CSMD1: variants seen among roughly 807,000 people sequenced by gnomAD.
CSMD1 encodes CUB and sushi domain-containing protein 1.
In CSMD1, 213 loss-of-function variants were observed where a neutral mutation model predicts 417.5. The ratio of observed to expected loss-of-function variants is 0.51; its 90% confidence interval spans 0.46 to 0.57. The LOEUF is 0.57. Ranked by LOEUF, CSMD1 falls within the 20% of genes least tolerant of loss-of-function variation. The pLI is 0.00. For missense variants in CSMD1, 6,923 were observed against 4,529.7 expected (o/e 1.53, Z -15.17); for synonymous variants, 2,862 against 1,736.8 (o/e 1.65, Z -16.11).
intron 3 of CSMD1, among the ~76,000 whole-genome samples, chr8:4,192,196 T>A (rs73658450): frequency 0.028 from 4,257 of 152,194 alleles, 215 homozygotes; most frequent in African/African-American, 0.097. Flanking sequence ...GCTTTAAAAA[T>A]CAAAGTTAAA....
chr8:3,104,191 G>C (rs1261772128), intron 46 of CSMD1, among the ~76,000 whole-genome samples: 1 of 152,090 alleles, frequency 6.6e-6, no homozygotes, highest in Non-Finnish European at 1.5e-5. Context: ...AAAATGTGAA[G>C]GTTTGCCTGG....
At chr8:4,329,505 C>A (rs1054351197) in intron 3 of CSMD1, among the ~76,000 whole-genome samples, 5 of 152,158 alleles carry the variant, frequency 3.3e-5, no homozygotes, top group Admixed American at 3.3e-4. Context: ...CCAGGCCAGT[C>A]TCAAACTCCT....
chr8:4,402,911 CT>C (rs1804745982), intron 3 of CSMD1, among the ~76,000 whole-genome samples: 1 of 147,592 alleles, frequency 6.8e-6, no homozygotes, highest in African/African-American at 2.5e-5. Flanking sequence ...GCTCCGCCTC[CT>C]GGGTTCATGC....
intron 1 of CSMD1, among the ~76,000 whole-genome samples, chr8:4,691,196 C>G (rs1806747573): frequency 6.6e-6 from 1 of 152,168 alleles, no homozygotes; most frequent in Non-Finnish European, 1.5e-5. Flanking sequence ...AACTGCAAAT[C>G]AGCAGCAAAC....
At chr8:4,254,540 G>A (rs1031796746) in intron 3 of CSMD1, among the ~76,000 whole-genome samples, 2 of 152,070 alleles carry the variant, frequency 1.3e-5, no homozygotes, top group East Asian at 1.9e-4. Flanking sequence ...TGCTGTTTAT[G>A]AAGACTACAG....
intron 9 of CSMD1, among the ~76,000 whole-genome samples, chr8:3,584,969 G>T (rs189010805): frequency 6.6e-6 from 1 of 152,244 alleles, no homozygotes; most frequent in African/African-American, 2.4e-5. Context: ...ACAAAAAGAA[G>T]GGGACAGCCA....
chr8:4,360,438 A>G (rs556971110), intron 3 of CSMD1, among the ~76,000 whole-genome samples: 1 of 152,286 alleles, frequency 6.6e-6, no homozygotes, highest in Non-Finnish European at 1.5e-5. Context: ...CTGTGTTTTA[A>G]GTCATAGAAG....
chr8:4,300,064 G>T (rs541744434), intron 3 of CSMD1, among the ~76,000 whole-genome samples: 9 of 152,330 alleles, frequency 5.9e-5, no homozygotes, highest in African/African-American at 2.2e-4. Context: ...TCTCATACAT[G>T]TCAGAACATC....
intron 3 of CSMD1, among the ~76,000 whole-genome samples, chr8:4,231,296 T>C (rs1700049): frequency 0.56 from 85,043 of 152,026 alleles, 24,484 homozygotes; most frequent in Non-Finnish European, 0.61. Flanking sequence ...AAGAAAAGCG[T>C]GTGAGGCTCA....
chr8:4,703,121 T>A (rs1341859646), intron 1 of CSMD1, among the ~76,000 whole-genome samples: 1 of 152,226 alleles, frequency 6.6e-6, no homozygotes, highest in Non-Finnish European at 1.5e-5. Flanking sequence ...ATATAATATT[T>A]AATTAGATGC....
chr8:3,786,279 G>C (rs1799453340), intron 5 of CSMD1, among the ~76,000 whole-genome samples: 1 of 152,214 alleles, frequency 6.6e-6, no homozygotes, highest in South Asian at 2.1e-4. Context: ...CATGGGCATG[G>C]AGGTTAGAAG....
intron 3 of CSMD1, among the ~76,000 whole-genome samples, chr8:4,151,601 C>G (rs919400828): frequency 2.0e-5 from 3 of 152,034 alleles, no homozygotes; most frequent in Non-Finnish European, 4.4e-5. Context: ...ATATGTTTCT[C>G]ATGGATTGTG....
intron 3 of CSMD1, among the ~76,000 whole-genome samples, chr8:4,366,024 G>T (rs926961165): frequency 2.0e-5 from 3 of 151,958 alleles, no homozygotes; most frequent in Non-Finnish European, 4.4e-5. Context: ...TGAGCCTGTC[G>T]CCCAGGTAGT....
chr8:4,922,474 T>C (rs1806563308), intron 1 of CSMD1, among the ~76,000 whole-genome samples: 1 of 152,250 alleles, frequency 6.6e-6, no homozygotes. Flanking sequence ...ATATTATCAC[T>C]TTTATGTATT....
intron 2 of CSMD1, among the ~76,000 whole-genome samples, chr8:4,614,594 A>C (rs1801367646): frequency 1.3e-5 from 2 of 152,270 alleles, no homozygotes; most frequent in Admixed American, 6.5e-5. Context: ...GAACAACCAG[A>C]GGAAAGTCCG....
chr8:3,935,723 T>A (rs1264916912), intron 5 of CSMD1, among the ~76,000 whole-genome samples: 1 of 152,130 alleles, frequency 6.6e-6, no homozygotes, highest in Non-Finnish European at 1.5e-5. Flanking sequence ...TCTCTCTACC[T>A]CCTTCATTGG....
At chr8:3,387,252 T>G (rs1024480195) in intron 18 of CSMD1, among the ~76,000 whole-genome samples, 2 of 152,104 alleles carry the variant, frequency 1.3e-5, no homozygotes, top group Non-Finnish European at 2.9e-5. Context: ...AGAACTAAGC[T>G]CCCTAAGTTT....
intron 5 of CSMD1, among the ~76,000 whole-genome samples, chr8:3,792,384 C>G (rs541779687): frequency 6.6e-6 from 1 of 152,292 alleles, no homozygotes; most frequent in African/African-American, 2.4e-5. Context: ...GTAGCCACTT[C>G]CTGCCTCATT....
chr8:3,383,429 G>T (rs995094568), intron 18 of CSMD1, among the ~76,000 whole-genome samples: 1 of 151,986 alleles, frequency 6.6e-6, no homozygotes, highest in South Asian at 2.1e-4. Flanking sequence ...AAAACCTCAT[G>T]CATGGAGGGA....
Sources: gnomAD v4.1 joint callset for allele counts (sites outside exome capture counted in the v4.1 genomes callset) on GRCh38, gnomAD v4.1.1 for gene constraint, MANE v1.5 for transcripts, NCBI Gene and HGNC (gene_info 2026-07-23, HGNC 2026-07-21) for gene names.